Variants in FANCC observed in about 807,000 individuals in gnomAD.
FANCC encodes the protein Fanconi anemia group C protein.
FANCC carries 55 observed loss-of-function variants against 71.3 expected under a neutral mutation model. The ratio of observed to expected loss-of-function variants is 0.77; its 90% CI spans 0.62 to 0.97. The LOEUF (loss-of-function observed/expected upper bound fraction) is 0.97. Ranked by LOEUF, FANCC falls within the 50% of genes least tolerant of loss-of-function variation. The pLI is 0.00. For missense variants in FANCC, 678 were observed against 670.9 expected (o/e 1.01, Z -0.12); for synonymous variants, 275 against 244.9 (o/e 1.12, Z -1.15).
intron 4 of FANCC, among the ~76,000 whole-genome samples, chr9:95,181,725 T>C (rs1229687270): frequency 6.6e-6 from 1 of 152,202 alleles, no homozygotes. Context: ...AAATCTTTCA[T>C]GAGTAGAAAG....
intron 1 of FANCC, among the ~76,000 whole-genome samples, chr9:95,282,219 A>G (rs1833421332): frequency 6.6e-6 from 1 of 152,280 alleles, no homozygotes; most frequent in Admixed American, 6.5e-5. Flanking sequence ...ATGGAAAAAG[A>G]TACTTCACAC....
chr9:95,142,075 C>G (rs1040509278), intron 7 of FANCC, among the ~76,000 whole-genome samples: 1 of 146,060 alleles, frequency 6.8e-6, no homozygotes, highest in Non-Finnish European at 1.5e-5. Flanking sequence ...TCACTACAAC[C>G]TCTGCCTCCC....
At chr9:95,171,971 T>C (rs1216542813) in intron 5 of FANCC, 66 bp downstream of exon 5, 6 of 972,718 alleles carry the variant, frequency 6.2e-6, no homozygotes, top group African/African-American at 1.6e-5. Context: ...TATTTCCATT[T>C]ACTCTTTTTG....
chr9:95,269,173 A>G (rs76218653), intron 1 of FANCC, among the ~76,000 whole-genome samples: 1,594 of 152,230 alleles, frequency 0.01, 30 homozygotes, highest in African/African-American at 0.037. Context: ...GTCTCTTCCT[A>G]TCAAGCTTTG....
At chr9:95,195,390 T>C (rs1418494360) in intron 4 of FANCC, among the ~76,000 whole-genome samples, 2 of 152,066 alleles carry the variant, frequency 1.3e-5, no homozygotes, top group African/African-American at 4.8e-5. Flanking sequence ...CTCCATTGAA[T>C]TGCTTCTGTA....
chr9:95,172,653 A>G (rs146255830), intron 4 of FANCC, among the ~76,000 whole-genome samples: 86 of 152,350 alleles, frequency 5.6e-4, no homozygotes, highest in African/African-American at 2.0e-3. Flanking sequence ...CAGTAGGGAA[A>G]GGACAGATTA....
At chr9:95,291,967 A>AAATATATATAT (rs1441757988) in intron 1 of FANCC, among the ~76,000 whole-genome samples, 13 of 50,426 alleles carry the variant, frequency 2.6e-4, no homozygotes, top group African/African-American at 9.9e-4. Flanking sequence ...AAAAAAAAAA[A>AAATATATATAT]ATATATATAT....
At chr9:95,183,244 T>C (rs1826487894) in intron 4 of FANCC, among the ~76,000 whole-genome samples, 1 of 152,240 alleles carries the variant, frequency 6.6e-6, no homozygotes, top group Admixed American at 6.5e-5. Context: ...CTGGAGTCTC[T>C]GTGGTTCCTC....
chr9:95,200,795 C>T (rs923577035), intron 4 of FANCC, among the ~76,000 whole-genome samples: 3 of 152,074 alleles, frequency 2.0e-5, no homozygotes, highest in African/African-American at 4.8e-5. Context: ...ATATAACAAG[C>T]GGATGACATA....
intron 3 of FANCC, among the ~76,000 whole-genome samples, chr9:95,245,024 CACG>C (rs375768152): frequency 2.5e-4 from 38 of 152,218 alleles, no homozygotes; most frequent in African/African-American, 8.9e-4. Context: ...ATGCCTCTCA[CACG>C]ACATCATAAA....
At chr9:95,241,144 G>A (rs1474085019) in intron 3 of FANCC, among the ~76,000 whole-genome samples, 1 of 152,170 alleles carries the variant, frequency 6.6e-6, no homozygotes, top group African/African-American at 2.4e-5. Context: ...ATTTCAAATG[G>A]TTAGTAATTT....
chr9:95,256,309 A>T, intron 1 of FANCC, among the ~76,000 whole-genome samples: 1 of 152,256 alleles, frequency 6.6e-6, no homozygotes, highest in African/African-American at 2.4e-5. Flanking sequence ...CGGGTTACCC[A>T]CAAAGGGAAG....
chr9:95,257,240 C>G (rs1179131498), intron 1 of FANCC, among the ~76,000 whole-genome samples: 1 of 152,216 alleles, frequency 6.6e-6, no homozygotes, highest in African/African-American at 2.4e-5. Flanking sequence ...ACATTCTTCT[C>G]AGAACCACAT....
intron 1 of FANCC, among the ~76,000 whole-genome samples, chr9:95,272,581 C>G (rs2136224525): frequency 6.6e-6 from 1 of 152,142 alleles, no homozygotes; most frequent in East Asian, 1.9e-4. Context: ...TCTGTAATCC[C>G]AGCTACTCGG....
chr9:95,223,348 T>A (rs545351988), intron 4 of FANCC, among the ~76,000 whole-genome samples: 5 of 152,348 alleles, frequency 3.3e-5, no homozygotes, highest in African/African-American at 1.2e-4. Context: ...TGCAGAAGCA[T>A]CAGCTGAGCT....
chr9:95,261,049 G>T (rs1832008914), intron 1 of FANCC, among the ~76,000 whole-genome samples: 1 of 152,126 alleles, frequency 6.6e-6, no homozygotes, highest in Admixed American at 6.5e-5. Context: ...TTACCTGTAC[G>T]GCTACTGCTT....
At chr9:95,156,584 G>A (rs12377946) in intron 6 of FANCC, among the ~76,000 whole-genome samples, 34,394 of 152,032 alleles carry the variant, frequency 0.23, 5,047 homozygotes, top group Non-Finnish European at 0.33. Context: ...AATTTGATGC[G>A]TAACATGCTT....
chr9:95,190,337 G>C (rs976394075), intron 4 of FANCC, among the ~76,000 whole-genome samples: 5 of 152,084 alleles, frequency 3.3e-5, no homozygotes, highest in Non-Finnish European at 7.4e-5. Context: ...TTACAAACAT[G>C]CTAGAAGAGC....
intron 4 of FANCC, among the ~76,000 whole-genome samples, chr9:95,188,890 T>C (rs1049251018): frequency 8.5e-5 from 13 of 152,216 alleles, no homozygotes; most frequent in Non-Finnish European, 1.9e-4. Context: ...TACAGTATGA[T>C]GTGCCCTATG....
Sources: gnomAD v4.1 joint callset for allele counts (sites outside exome capture counted in the v4.1 genomes callset) on GRCh38, gnomAD v4.1.1 for gene constraint, MANE v1.5 for transcripts, NCBI Gene and HGNC (gene_info 2026-07-23, HGNC 2026-07-21) for gene names.